Variants in PLAC1 observed in about 807,000 individuals in gnomAD.
The protein encoded by PLAC1 is placenta-specific protein 1.
For missense variants in PLAC1, 136 were observed against 163.2 expected, an observed-to-expected ratio of 0.83 and a Z score of 0.91; for synonymous variants, 68 against 62.1, an observed-to-expected ratio of 1.09 and a Z score of -0.44.
At chrX:134,746,231 A>G (rs962514754) in intron 1 of PLAC1, among the ~76,000 whole-genome samples, 1 of 110,113 alleles carries the variant, frequency 9.1e-6, no homozygotes, top group Non-Finnish European at 1.9e-5. Flanking sequence ...CCTGTTTTTA[A>G]TTTTTCAAAA....
At chrX:134,584,385 G>C (rs1302264826) in intron 2 of PLAC1, among the ~76,000 whole-genome samples, 1 of 111,720 alleles carries the variant, frequency 9.0e-6, no homozygotes, top group Admixed American at 9.5e-5. Flanking sequence ...AAGTAGTAGG[G>C]TGCTAGACAA....
rs750372751 is a variant in PLAC1, at chrX:134,566,576, A to G, written c.107T>C (p.Met36Thr). Reference protein sequence around the residue: ...MTVLCSIDWFMVTVHPFMLNN... With the variant: ...MTVLCSIDWFTVTVHPFMLNN... ...TAGCATGAAGGGGTGCACTGTGACC[A>G]TGAACCAGTCTATGGAGCACAGCAC... The change falls in exon 3 of 3, where the codon ATG becomes ACG. Residue 36 changes from methionine (M) to threonine (T), a missense_variant. Transcript: ENST00000359237. The G allele has an allele frequency of 8.3e-7, 1 of 1,211,444 alleles. No individual in the cohort carries two copies. Among genetic ancestry groups the G allele is most frequent in the South Asian group, 1.8e-5 (1 of 56,998 alleles).
At chrX:134,648,885 C>T (rs1354050825) in intron 1 of PLAC1, among the ~76,000 whole-genome samples, 1 of 111,291 alleles carries the variant, frequency 9.0e-6, no homozygotes, top group Non-Finnish European at 1.9e-5. Flanking sequence ...TAGTGAGAAT[C>T]GATGGTTCAA....
chrX:134,714,485 G>A (rs892778168), intron 2 of PLAC1, among the ~76,000 whole-genome samples: 7 of 110,959 alleles, frequency 6.3e-5, no homozygotes, highest in Admixed American at 9.7e-5. Context: ...GTAAACACAC[G>A]CAACATAAAA....
Position 134,565,991 on chromosome X carries a change from C to T in PLAC1, c.*53G>A. 2 of 1,058,780 alleles carry T rather than the reference C, an allele frequency of 1.9e-6. No individual in the cohort carries two copies. Among genetic ancestry groups the T allele is most frequent in the Non-Finnish European group, 2.6e-6 (2 of 771,602 alleles). The allele number at this position is 1,058,780 out of a possible 1,213,427, so 87.3% of individuals were successfully genotyped here. Reference sequence around the variant, plus strand: ...AGCACTTATTTGTCAGACATTTGTACACTATATACTAATTCTAGAAATAGC... The same window carrying T: ...AGCACTTATTTGTCAGACATTTGTATACTATATACTAATTCTAGAAATAGC... On this transcript the variant is annotated 3_prime_UTR_variant, in exon 3 of 3. Transcript: ENST00000359237.
chrX:134,653,240 T>C (rs931499044), intron 1 of PLAC1, among the ~76,000 whole-genome samples: 3 of 112,090 alleles, frequency 2.7e-5, no homozygotes, highest in African/African-American at 9.7e-5. Flanking sequence ...TCAGGGGCCA[T>C]GTTGGCAGGC....
intron 2 of PLAC1, among the ~76,000 whole-genome samples, chrX:134,686,087 C>T (rs1204881151): frequency 2.7e-5 from 3 of 111,607 alleles, no homozygotes; most frequent in East Asian, 5.6e-4. Flanking sequence ...AATCGGATGT[C>T]GGCTATTGAT....
At chrX:134,708,705 A>C (rs1396235905) in intron 2 of PLAC1, among the ~76,000 whole-genome samples, 1 of 109,482 alleles carries the variant, frequency 9.1e-6, no homozygotes, top group African/African-American at 3.3e-5. Context: ...CGCCTGACTA[A>C]TTTTGTATTT....
chrX:134,666,348 T>C (rs778758702), intron 2 of PLAC1, among the ~76,000 whole-genome samples: 3 of 111,155 alleles, frequency 2.7e-5, no homozygotes, highest in Admixed American at 9.6e-5. Context: ...AATAAGTCCA[T>C]TGCCAACTTG....
intron 1 of PLAC1, among the ~76,000 whole-genome samples, chrX:134,753,962 C>T (rs956887742): frequency 1.2e-4 from 14 of 112,139 alleles, no homozygotes; most frequent in Non-Finnish European, 2.4e-4. Flanking sequence ...TTAAAAAATA[C>T]TATCAATGTT....
intron 1 of PLAC1, among the ~76,000 whole-genome samples, chrX:134,647,637 G>A (rs1239306255): frequency 9.0e-6 from 1 of 111,005 alleles, no homozygotes; most frequent in Non-Finnish European, 1.9e-5. Flanking sequence ...GCAATTGCCT[G>A]ACCTTAATGG....
chrX:134,672,627 G>C (rs1044558205), intron 2 of PLAC1, among the ~76,000 whole-genome samples: 2 of 112,228 alleles, frequency 1.8e-5, no homozygotes, highest in Non-Finnish European at 3.8e-5. Flanking sequence ...ACCTCAATAA[G>C]AACTGATGAT....
At chrX:134,577,793 G>C (rs1212088928) in intron 2 of PLAC1, among the ~76,000 whole-genome samples, 1 of 105,727 alleles carries the variant, frequency 9.5e-6, no homozygotes, top group Non-Finnish European at 2.0e-5. Flanking sequence ...GTGTAGTGGA[G>C]GGATAGATTA....
chrX:134,689,559 G>A (rs761968206), intron 2 of PLAC1, among the ~76,000 whole-genome samples: 2 of 111,387 alleles, frequency 1.8e-5, no homozygotes, highest in South Asian at 3.9e-4. Context: ...GTCTGTTGCC[G>A]ACACCGTGAT....
intron 1 of PLAC1, among the ~76,000 whole-genome samples, chrX:134,749,246 A>T (rs2078735892): frequency 1.8e-5 from 2 of 112,171 alleles, no homozygotes; most frequent in Admixed American, 9.4e-5. Flanking sequence ...AGCATGGAAG[A>T]TAGAGGTTGC....
chrX:134,648,030 G>T (rs1029489967), intron 1 of PLAC1, among the ~76,000 whole-genome samples: 2 of 111,535 alleles, frequency 1.8e-5, no homozygotes, highest in Admixed American at 1.9e-4. Flanking sequence ...GATTTTAAGG[G>T]CACTGAGTAC....
intron 2 of PLAC1, among the ~76,000 whole-genome samples, chrX:134,568,527 C>G (rs982472396): frequency 8.9e-6 from 1 of 111,867 alleles, no homozygotes; most frequent in Admixed American, 9.5e-5. Context: ...TCCTCATTCT[C>G]TCAGGGGTGT....
chrX:134,760,378 A>C (rs777843054), intron 1 of PLAC1: 1 of 111,650 alleles, frequency 9.0e-6, no homozygotes, highest in Non-Finnish European at 1.9e-5. Flanking sequence ...GTGGAAAAAA[A>C]ATTACAAAAT....
chrX:134,743,921 G>A (rs1307813315), intron 1 of PLAC1, among the ~76,000 whole-genome samples: 1 of 112,567 alleles, frequency 8.9e-6, no homozygotes, highest in Non-Finnish European at 1.9e-5. Context: ...CATCTGGATT[G>A]TAAGACGTTC....
Sources: gnomAD v4.1 joint callset for allele counts (sites outside exome capture counted in the v4.1 genomes callset) on GRCh38, gnomAD v4.1.1 for gene constraint, MANE v1.5 for transcripts, NCBI Gene and HGNC (gene_info 2026-07-23, HGNC 2026-07-21) for gene names.